The following NBEA variants were observed in gnomAD, a reference collection of about 807,000 sequenced individuals.
NBEA encodes the protein lysosomal-trafficking regulator 2.
In NBEA, 44 loss-of-function variants were observed where a neutral mutation model predicts 343.4. The ratio of observed to expected loss-of-function variants is 0.13; its 90% CI spans 0.10 to 0.16. The LOEUF (loss-of-function observed/expected upper bound fraction) is 0.16. Ranked by LOEUF, NBEA falls within the 10% of genes least tolerant of loss-of-function variation. NBEA has a pLI of 1.00. For synonymous variants in NBEA, 1,175 were observed against 1,238.7 expected (o/e 0.95, Z 1.08); for missense variants, 2,555 against 3,631.3 (o/e 0.70, Z 7.62).
chr13:34,991,506 C>T (rs1411944269), intron 1 of NBEA, among the ~76,000 whole-genome samples: 2 of 152,072 alleles, frequency 1.3e-5, no homozygotes, highest in Non-Finnish European at 2.9e-5. Context: ...TGAGAACTCA[C>T]CCATTATCAC....
At chr13:35,016,430 C>CA (rs1305247451) in intron 1 of NBEA, among the ~76,000 whole-genome samples, 1 of 152,122 alleles carries the variant, frequency 6.6e-6, no homozygotes, top group African/African-American at 2.4e-5. Flanking sequence ...ATATCTTGGA[C>CA]ATTTGACAAC....
intron 34 of NBEA, among the ~76,000 whole-genome samples, chr13:35,271,212 CAG>C (rs1205510436): frequency 1.3e-5 from 2 of 152,336 alleles, no homozygotes; most frequent in Middle Eastern, 3.4e-3. Flanking sequence ...CCCAGGCAAA[CAG>C]GGTCTAAAGT....
At position 35,606,535 on chromosome 13, in the gene NBEA, C is replaced by A. The variant is rs748075725; in HGVS notation, c.7406C>A (p.Pro2469His). ...GTGGTAAATGATGTTGATCTTCCCCCTTGGGCAAAAAAACCTGAAGACTTT... is the reference window on the plus strand; with the variant it reads ...GTGGTAAATGATGTTGATCTTCCCCATTGGGCAAAAAAACCTGAAGACTTT... The part of the protein sequence containing the change: ...EVVVNDVDLP[P>H]WAKKPEDFVR... The change falls in exon 48 of 59, where the codon CCT becomes CAT. Residue 2469 changes from proline (P) to histidine (H), a missense_variant. By Grantham distance (77) the Pro-to-His change is moderately conservative (BLOSUM62 -2). Transcript: ENST00000379939. 5 of 1,606,876 alleles carry A rather than the reference C, an allele frequency of 3.1e-6. No individual in the cohort carries two copies. In the Middle Eastern group the frequency reaches 6.6e-4, roughly 213 times the overall value.
At chr13:35,010,673 C>T (rs577712064) in intron 1 of NBEA, among the ~76,000 whole-genome samples, 63 of 134,450 alleles carry the variant, frequency 4.7e-4, no homozygotes, top group South Asian at 4.7e-4. Context: ...AAGTTGAGTC[C>T]GGGAATGGGA....
intron 48 of NBEA, among the ~76,000 whole-genome samples, chr13:35,621,323 C>T (rs1348324982): frequency 6.6e-6 from 1 of 152,122 alleles, no homozygotes; most frequent in Non-Finnish European, 1.5e-5. Context: ...TGAATGCTCC[C>T]TCTGTTTGAA....
intron 41 of NBEA, among the ~76,000 whole-genome samples, chr13:35,501,585 C>T (rs1184989128): frequency 6.6e-6 from 1 of 152,100 alleles, no homozygotes; most frequent in African/African-American, 2.4e-5. Context: ...ATTATATGCA[C>T]TCAGTTACAT....
rs2072324150 is a variant in NBEA, at chr13:35,193,170, T to G, written c.4928-2694T>G. On this transcript the variant is annotated intron_variant, in intron 30 of 58. Coordinates refer to ENST00000379939, the MANE Select transcript of NBEA (RefSeq NM_001385012.1). ...TCTCCTGATACTTTGCTGCAATTGT[T>G]TTCTCTCAAAAAATGTACAATCCAT... 2.6e-5 allele frequency among the ~76,000 whole-genome samples: 4 copies of G among 152,080 alleles called. No homozygotes were observed. The South Asian group carries it at 8.3e-4, about 31-fold the overall frequency.
chr13:35,155,653 G>A, intron 18 of NBEA, 121 bp from the exon 19 acceptor site: 1 of 702,532 alleles, frequency 1.4e-6, no homozygotes, highest in Admixed American at 2.6e-5. Context: ...CCCTTTAGAA[G>A]AGATGTTTCT....
chr13:35,439,965 C>A (rs1240767551), intron 39 of NBEA, among the ~76,000 whole-genome samples: 1 of 152,140 alleles, frequency 6.6e-6, no homozygotes, highest in Non-Finnish European at 1.5e-5. Flanking sequence ...CTGCAACCGC[C>A]ACCTCCCAGG....
At chr13:35,335,523 C>T (rs140599921) in intron 36 of NBEA, among the ~76,000 whole-genome samples, 63 of 151,994 alleles carry the variant, frequency 4.1e-4, no homozygotes, top group South Asian at 3.5e-3. Context: ...TTTGTTTCAT[C>T]GATGTATTAT....
At position 35,110,952 on chromosome 13, in the gene NBEA, G is replaced by A. The variant is rs2066171726; in HGVS notation, c.1976G>A (p.Ser659Asn). Reference protein sequence around the residue: ...YYYWVINPADSSGITPKGLDG... With the variant: ...YYYWVINPADNSGITPKGLDG... ...TACTGGGTTATTAATCCTGCTGACAGTAGTGGCATTACACCTAAAGGATTA... is the reference window on the plus strand; with the variant it reads ...TACTGGGTTATTAATCCTGCTGACAATAGTGGCATTACACCTAAAGGATTA... The change falls in exon 13 of 59, where the codon AGT becomes AAT. Residue 659 changes from serine to asparagine, a missense_variant. Coordinates refer to ENST00000379939, the MANE Select transcript of NBEA (RefSeq NM_001385012.1). The A allele has an allele frequency of 3.1e-6, 5 of 1,610,974 alleles. 1 individual carries two copies. In the African/African-American group the frequency reaches 6.7e-5, roughly 22 times the overall value.
chr13:35,198,373 C>T lies in NBEA; in HGVS notation c.5366+2071C>T, dbSNP rs542226427. 5.3e-5 allele frequency among the ~76,000 whole-genome samples: 8 copies of T among 151,962 alleles called. No homozygotes were observed. In the South Asian group the frequency reaches 1.4e-3, roughly 28 times the overall value. On this transcript the variant is annotated intron_variant, in intron 31 of 58. Transcript: ENST00000379939. ...TTGGTAAAATACAAACCAATAAATACAGATGATTATTGTGATTTACATATG... is the reference window on the plus strand; with the variant it reads ...TTGGTAAAATACAAACCAATAAATATAGATGATTATTGTGATTTACATATG...
At chr13:35,043,718 AATTG>A (rs1214020925) in intron 2 of NBEA, among the ~76,000 whole-genome samples, 1 of 151,958 alleles carries the variant, frequency 6.6e-6, no homozygotes, top group Non-Finnish European at 1.5e-5. Flanking sequence ...ATTGATTATT[AATTG>A]ATGAAGATAA....
chr13:35,230,267 TTTAAC>T (rs2074896698), intron 33 of NBEA, among the ~76,000 whole-genome samples: 1 of 152,122 alleles, frequency 6.6e-6, no homozygotes, highest in Admixed American at 6.6e-5. Flanking sequence ...CTATTTTGTA[TTTAAC>T]TTAATCACCA....
At chr13:35,290,281 A>G in intron 34 of NBEA, 108 bp from the exon 35 acceptor site, 1 of 677,036 alleles carries the variant, frequency 1.5e-6, no homozygotes, top group Non-Finnish European at 2.5e-6. Context: ...TAGGAATTCT[A>G]TTTAAAAGAA....
chr13:35,015,629 T>C (rs1291971513), intron 1 of NBEA, among the ~76,000 whole-genome samples: 1 of 152,114 alleles, frequency 6.6e-6, no homozygotes, highest in Admixed American at 6.5e-5. Context: ...CATATAGTCA[T>C]TATTTTTGAA....
chr13:35,298,914 A>T (rs1206884271), intron 35 of NBEA, among the ~76,000 whole-genome samples: 1 of 152,060 alleles, frequency 6.6e-6, no homozygotes, highest in South Asian at 2.1e-4. Flanking sequence ...TAAAAATAAG[A>T]AATGAAAATG....
intron 33 of NBEA, among the ~76,000 whole-genome samples, chr13:35,221,172 C>T (rs1314693292): frequency 6.6e-6 from 1 of 151,958 alleles, no homozygotes; most frequent in African/African-American, 2.4e-5. Flanking sequence ...AGTGAAACCC[C>T]ATCTCTGCTA....
chr13:35,276,440 A>C (rs1450016397), intron 34 of NBEA, among the ~76,000 whole-genome samples: 1 of 152,162 alleles, frequency 6.6e-6, no homozygotes, highest in Non-Finnish European at 1.5e-5. Flanking sequence ...AATTTATGTC[A>C]TTGAATAACA....
Sources: allele counts gnomAD v4.1 joint callset (sites outside exome capture counted in the v4.1 genomes callset), GRCh38; gene constraint gnomAD v4.1.1; transcripts MANE v1.5; gene names NCBI Gene and HGNC (gene_info 2026-07-23, HGNC 2026-07-21).